The following MAGI2 variants were observed in gnomAD, a reference collection of about 807,000 sequenced individuals.
The protein encoded by MAGI2 is membrane-associated guanylate kinase, WW and PDZ domain-containing protein 2.
A neutral mutation model predicts 133.3 loss-of-function variants in MAGI2; 35 were observed. That is an observed-to-expected ratio of 0.26 (90% CI 0.20 to 0.35). MAGI2 has a LOEUF of 0.35. MAGI2 is among the 10% of genes least tolerant of loss of function. The probability of loss-of-function intolerance (pLI) is 1.00; values close to 1 mark genes in which losing one functional copy is unlikely to be tolerated. For synonymous variants in MAGI2, 729 were observed against 710.6 expected (o/e 1.03, Z -0.41); for missense variants, 1,636 against 1,863.4 (o/e 0.88, Z 2.25).
At chr7:78,765,702 G>A (rs898891389) in intron 2 of MAGI2, among the ~76,000 whole-genome samples, 4 of 152,016 alleles carry the variant, frequency 2.6e-5, no homozygotes, top group African/African-American at 7.2e-5. Context: ...AGATAGATAC[G>A]GTTGTGAGCA....
chr7:78,146,628 A>G (rs901127060), intron 16 of MAGI2, among the ~76,000 whole-genome samples: 7 of 152,190 alleles, frequency 4.6e-5, no homozygotes, highest in African/African-American at 1.4e-4. Flanking sequence ...AAAATGTTCA[A>G]TAAAACTACA....
At chr7:79,086,039 T>C (rs957303471) in intron 1 of MAGI2, among the ~76,000 whole-genome samples, 1 of 151,936 alleles carries the variant, frequency 6.6e-6, no homozygotes, top group Non-Finnish European at 1.5e-5. Context: ...ATTTATATAT[T>C]GGAGTATTCG....
chr7:79,085,586 A>G (rs1816414072), intron 1 of MAGI2, among the ~76,000 whole-genome samples: 1 of 151,892 alleles, frequency 6.6e-6, no homozygotes, highest in Non-Finnish European at 1.5e-5. Flanking sequence ...TTGGATATTC[A>G]AAATAATATA....
chr7:78,368,681 A>G (rs1473461819), intron 7 of MAGI2, among the ~76,000 whole-genome samples: 1 of 152,126 alleles, frequency 6.6e-6, no homozygotes, highest in Non-Finnish European at 1.5e-5. Context: ...AGGTAACATA[A>G]AAGTCCAATG....
chr7:79,415,037 T>C (rs147697198), intron 1 of MAGI2: 39 of 152,304 alleles, frequency 2.6e-4, no homozygotes, highest in African/African-American at 9.4e-4. Flanking sequence ...TTCAAGGACA[T>C]GGGCTGTGTC....
At chr7:78,929,470 G>T (rs1407426334) in intron 2 of MAGI2, among the ~76,000 whole-genome samples, 2 of 152,004 alleles carry the variant, frequency 1.3e-5, no homozygotes, top group Non-Finnish European at 2.9e-5. Flanking sequence ...TAAAAATCAA[G>T]TTCACCTGGT....
chr7:79,050,435 T>G (rs992594569), intron 1 of MAGI2, among the ~76,000 whole-genome samples: 1 of 152,164 alleles, frequency 6.6e-6, no homozygotes, highest in African/African-American at 2.4e-5. Context: ...AGGGCTGTAT[T>G]GCAGTGGTGC....
chr7:78,656,941 T>C (rs975238191), intron 2 of MAGI2, among the ~76,000 whole-genome samples: 2 of 139,858 alleles, frequency 1.4e-5, no homozygotes, highest in African/African-American at 2.7e-5. Flanking sequence ...ATTTAAAATA[T>C]ACAAAGAACT....
chr7:79,399,342 C>A (rs923738932), intron 1 of MAGI2, among the ~76,000 whole-genome samples: 25 of 151,932 alleles, frequency 1.6e-4, no homozygotes, highest in Middle Eastern at 3.2e-3. Flanking sequence ...GATCTGCCCA[C>A]CTCAGCCTCC....
chr7:78,156,189 C>T (rs1011776943), intron 16 of MAGI2, among the ~76,000 whole-genome samples: 8 of 152,180 alleles, frequency 5.3e-5, no homozygotes, highest in Non-Finnish European at 1.0e-4. Flanking sequence ...GCAAAGGCAC[C>T]TCAGCTGGAC....
At chr7:79,016,905 C>T (rs1808790204) in intron 1 of MAGI2, among the ~76,000 whole-genome samples, 1 of 152,250 alleles carries the variant, frequency 6.6e-6, no homozygotes, top group Non-Finnish European at 1.5e-5. Flanking sequence ...GACACACAGT[C>T]CCATGCCTGC....
intron 2 of MAGI2, among the ~76,000 whole-genome samples, chr7:78,668,829 C>T (rs1390795468): frequency 1.5e-5 from 2 of 130,876 alleles, no homozygotes; most frequent in Non-Finnish European, 3.3e-5. Flanking sequence ...CTACTGGGTA[C>T]ATAACGAAAT....
intron 9 of MAGI2, among the ~76,000 whole-genome samples, chr7:78,323,032 C>A (rs1788175272): frequency 7.6e-6 from 1 of 132,214 alleles, no homozygotes. Context: ...TGTGTTCATC[C>A]AATGAAGAGA....
intron 2 of MAGI2, among the ~76,000 whole-genome samples, chr7:78,964,695 A>G (rs1048137790): frequency 6.6e-6 from 1 of 152,022 alleles, no homozygotes; most frequent in Non-Finnish European, 1.5e-5. Flanking sequence ...CTTGTTGATC[A>G]CTTTTGACAT....
chr7:79,199,330 A>G (rs534315878), intron 1 of MAGI2, among the ~76,000 whole-genome samples: 3 of 152,060 alleles, frequency 2.0e-5, no homozygotes, highest in Admixed American at 6.5e-5. Flanking sequence ...GAATAGTCCA[A>G]TGAATATCTG....
At chr7:79,419,803 A>G (rs1585912715) in intron 1 of MAGI2, among the ~76,000 whole-genome samples, 1 of 152,224 alleles carries the variant, frequency 6.6e-6, no homozygotes, top group East Asian at 1.9e-4. Flanking sequence ...TAAATAGACT[A>G]TTTGATTATT....
At chr7:78,383,189 C>A (rs1795082950) in intron 6 of MAGI2, among the ~76,000 whole-genome samples, 1 of 152,080 alleles carries the variant, frequency 6.6e-6, no homozygotes, top group South Asian at 2.1e-4. Context: ...AATCTCCATA[C>A]TGTTTTTCAT....
chr7:78,930,674 G>A (rs1360044595), intron 2 of MAGI2, among the ~76,000 whole-genome samples: 1 of 151,930 alleles, frequency 6.6e-6, no homozygotes, highest in Admixed American at 6.6e-5. Flanking sequence ...TTATAATTTG[G>A]TATACTATCC....
intron 2 of MAGI2, among the ~76,000 whole-genome samples, chr7:78,927,115 T>C (rs562444576): frequency 4.6e-5 from 7 of 152,126 alleles, no homozygotes; most frequent in African/African-American, 1.7e-4. Context: ...CTTTTCATCA[T>C]GAGAAGCACA....
Sources: allele counts gnomAD v4.1 joint callset (sites outside exome capture counted in the v4.1 genomes callset), GRCh38; gene constraint gnomAD v4.1.1; transcripts MANE v1.5; gene names NCBI Gene and HGNC (gene_info 2026-07-23, HGNC 2026-07-21).